ATP5F1C: variants seen among roughly 807,000 people sequenced by gnomAD.
ATP5F1C encodes ATP synthase F1 subunit gamma, also known as ATP synthase F(1) complex subunit gamma, mitochondrial.
A neutral mutation model predicts 37.4 loss-of-function variants in ATP5F1C; 22 were observed. That is an observed-to-expected ratio of 0.59 (90% confidence interval 0.42 to 0.84). ATP5F1C has a LOEUF of 0.84. Ranked by LOEUF, ATP5F1C falls within the 40% of genes least tolerant of loss-of-function variation. ATP5F1C has a pLI of 0.00. For missense variants in ATP5F1C, 286 were observed against 362.4 expected, an observed-to-expected ratio of 0.79 and a Z score of 1.71; for synonymous variants, 121 against 128.0, an observed-to-expected ratio of 0.95 and a Z score of 0.37.
At chr10:7,803,319 A>G (rs1188279428) in intron 8 of ATP5F1C, among the ~76,000 whole-genome samples, 1 of 152,156 alleles carries the variant, frequency 6.6e-6, no homozygotes, top group African/African-American at 2.4e-5. Flanking sequence ...CAGTATCTGC[A>G]GTGGATTGGT....
intron 1 of ATP5F1C, among the ~76,000 whole-genome samples, chr10:7,789,594 C>A (rs1430757060): frequency 2.0e-5 from 3 of 152,136 alleles, no homozygotes; most frequent in Non-Finnish European, 4.4e-5. Context: ...TTGGAAAGTG[C>A]CCAAATGTGA....
At chr10:7,789,853 A>C (rs1836133256) in intron 1 of ATP5F1C, among the ~76,000 whole-genome samples, 1 of 152,240 alleles carries the variant, frequency 6.6e-6, no homozygotes, top group African/African-American at 2.4e-5. Context: ...GATAATTTGA[A>C]GCTCTTTTAG....
In ATP5F1C at chr10:7,788,277, C is replaced by T. The variant is rs367969460; in HGVS notation, c.56+14C>T. ...GCAGCCGCAATGGTATGGCAGCTTGCGGGAAGATCGGCAGGACCGCAAGGG... is the reference window on the plus strand; with the variant it reads ...GCAGCCGCAATGGTATGGCAGCTTGTGGGAAGATCGGCAGGACCGCAAGGG... On this transcript the variant is annotated intron_variant, in intron 1 of 9. Transcript: ENST00000356708. 2.2e-4 allele frequency: 354 copies of T among 1,612,308 alleles called. No homozygotes were observed. The African/African-American group carries it at 4.3e-3, about 20-fold the overall frequency.
chr10:7,807,764 T>A lies in ATP5F1C; in HGVS notation c.*136T>A. On this transcript the variant is annotated 3_prime_UTR_variant, in exon 10 of 10. Transcript: ENST00000356708. ...TTGAATTACTGAAGACAGCAAGATA[T>A]TTGTAAATTATCTTAAAATAAACAA... 7.9e-7 allele frequency: 1 copy of A among 1,271,060 alleles called. No individual in the cohort carries two copies. The highest frequency in any genetic ancestry group is 1.1e-6 in the Non-Finnish European group (1 of 913,748). 78.7% of individuals were successfully genotyped at this position (1,271,060 alleles called of 1,614,324 possible). A position where few individuals can be genotyped will look rare whatever the true frequency, so the allele number is the denominator to read the frequency against.
rs775260431 is a variant in ATP5F1C at position 7,788,198 on chromosome 10, T to A, written c.-10T>A. 54 of 1,613,082 alleles carry A rather than the reference T, an allele frequency of 3.3e-5. No individual in the cohort carries two copies. Among genetic ancestry groups the A allele is most frequent in the Non-Finnish European group, 4.2e-5 (49 of 1,179,920 alleles). ...CTGCCTGACCGACCTTCAGCAGGGCTGTGGCTACCATGTTCTCTCGCGCGG... is the reference window on the plus strand; with the variant it reads ...CTGCCTGACCGACCTTCAGCAGGGCAGTGGCTACCATGTTCTCTCGCGCGG... On this transcript the variant is annotated 5_prime_UTR_variant, in exon 1 of 10. Transcript: ENST00000356708.
At chr10:7,806,364 A>G (rs1836480525) in intron 8 of ATP5F1C, among the ~76,000 whole-genome samples, 1 of 152,222 alleles carries the variant, frequency 6.6e-6, no homozygotes, top group Non-Finnish European at 1.5e-5. Flanking sequence ...CAGCCTAAAA[A>G]CTAAATATGG....
chr10:7,797,467 A>G (rs1315453536), intron 3 of ATP5F1C, among the ~76,000 whole-genome samples: 1 of 152,148 alleles, frequency 6.6e-6, no homozygotes, highest in South Asian at 2.1e-4. Context: ...GTTTGGACCT[A>G]TGTGGTTTGG....
intron 8 of ATP5F1C, among the ~76,000 whole-genome samples, chr10:7,803,609 T>C (rs1836417524): frequency 6.6e-6 from 1 of 152,230 alleles, no homozygotes; most frequent in African/African-American, 2.4e-5. Flanking sequence ...GAAAATTTCT[T>C]AGTTGTTGAA....
rs781169326 is a variant in ATP5F1C at position 7,796,105 on chromosome 10, A to G, written c.57-16A>G. On this transcript the variant is annotated splice_polypyrimidine_tract_variant and intron_variant, in intron 1 of 9. Transcript: ENST00000356708. The stretch of plus-strand genomic sequence containing the variant: ...TTTTCAAAAAACTGAAACATTTTTA[A>G]AACTTTTATCCTCAGGATTCAAGTT... The G allele has an allele frequency of 6.3e-7, 1 of 1,579,946 alleles. No homozygotes were observed. Among genetic ancestry groups the G allele is most frequent in the Non-Finnish European group, 8.6e-7 (1 of 1,167,862 alleles).
At position 7,802,327 on chromosome 10, in the gene ATP5F1C, A is replaced by T. The variant is rs777777103; in HGVS notation, c.695A>T (p.Tyr232Phe). Reference sequence around the variant, plus strand: ...GACGTGCTGCAAAATTACCAAGAATACAATCTGGCCAACATCATCTACTAC... The same window carrying T: ...GACGTGCTGCAAAATTACCAAGAATTCAATCTGGCCAACATCATCTACTAC... ...DADVLQNYQE[Y>F]NLANIIYYSL... Residue 232 changes from tyrosine to phenylalanine, a missense_variant, in exon 7 of 10, where the codon TAC (tyrosine) becomes TTC (phenylalanine). Transcript: ENST00000356708. 2.5e-6 allele frequency: 4 copies of T among 1,613,982 alleles called. No homozygotes were observed. The African/African-American group carries it at 5.3e-5, about 22-fold the overall frequency.
chr10:7,802,504 C>G (rs1400608680), intron 7 of ATP5F1C, 79 bp downstream of exon 7: 13 of 1,490,306 alleles, frequency 8.7e-6, no homozygotes, highest in Non-Finnish European at 1.1e-5. Flanking sequence ...AGTCCGTGGC[C>G]GAGAGTAGCA....
At position 7,804,104 on chromosome 10, in the gene ATP5F1C, A is replaced by C. The variant is rs767649913; in HGVS notation, c.890+1250A>C. The C allele has an allele frequency of 1.9e-5, 10 of 519,046 alleles. 1 individual carries two copies. The highest frequency in any genetic ancestry group is 1.4e-4 in the South Asian group (10 of 71,584). 32.2% of individuals were successfully genotyped at this position (519,046 alleles called of 1,614,324 possible). On this transcript the variant is annotated intron_variant, in intron 8 of 9. Transcript: ENST00000356708. ...AAGTCACAGCAGAACAGAGGTTGCT[A>C]AACTGTGGCCTGGAGCTAAGAATGG... is the stretch of plus-strand genomic sequence containing the variant.
chr10:7,799,770 A>G lies in ATP5F1C; in HGVS notation c.429-2A>G. The G allele has an allele frequency of 6.2e-7, 1 of 1,612,596 alleles. No individual in the cohort carries two copies. Among genetic ancestry groups the G allele is most frequent in the Non-Finnish European group, 8.5e-7 (1 of 1,179,646 alleles). On this transcript the variant is annotated splice_acceptor_variant, in intron 4 of 9. Transcript: ENST00000356708. LOFTEE classifies it high-confidence loss of function. ...CTATGTGAGCTCTTGCTTTTCTTAT[A>G]GGACTCATTCTGACCAGTTTCTGGT...
chr10:7,803,626 T>C (rs993002509), intron 8 of ATP5F1C, among the ~76,000 whole-genome samples: 1 of 152,200 alleles, frequency 6.6e-6, no homozygotes, highest in East Asian at 1.9e-4. Context: ...TGAAAAACTT[T>C]AATGTTTATG....
intron 8 of ATP5F1C, among the ~76,000 whole-genome samples, chr10:7,804,780 T>C (rs1274647987): frequency 6.6e-6 from 1 of 152,216 alleles, no homozygotes. Context: ...TGAAATGCCA[T>C]ATGTATTCAG....
rs371109747 is a variant in ATP5F1C at position 7,799,892 on chromosome 10, C to T, written c.549C>T (p.Gly183=). Residue 183 remains glycine, a synonymous_variant, in exon 5 of 10, where the codon GGC becomes GGT. Coordinates refer to ENST00000356708, the MANE Select transcript of ATP5F1C (RefSeq NM_001001973.3). ...ATTCTGGATATGAATTTGATGAAGG[C>T]TCCATCATCTTTAATAAATTCAGGC... ...LLNSGYEFDE[G]SIIFNKFRSV... is the part of the protein sequence containing the mutation. 5.0e-6 allele frequency: 8 copies of T among 1,613,772 alleles called. No homozygotes were observed. The highest frequency in any genetic ancestry group is 6.8e-6 in the Non-Finnish European group (8 of 1,179,956).
intron 1 of ATP5F1C, among the ~76,000 whole-genome samples, chr10:7,795,324 C>A (rs984154670): frequency 7.2e-5 from 11 of 152,104 alleles, no homozygotes; most frequent in Non-Finnish European, 1.6e-4. Context: ...TCCTGTGTAG[C>A]TTTGCCTGCA....
intron 3 of ATP5F1C, among the ~76,000 whole-genome samples, 173 bp downstream of exon 3, chr10:7,797,351 T>C (rs182446180): frequency 6.6e-6 from 1 of 152,320 alleles, no homozygotes; most frequent in East Asian, 1.9e-4. Context: ...GTGTAGGTAG[T>C]ACAGGTAGGG....
At chr10:7,802,471 C>T (rs772947597) in intron 7 of ATP5F1C, 46 bp downstream of exon 7, 2 of 1,570,492 alleles carry the variant, frequency 1.3e-6, no homozygotes, top group South Asian at 2.4e-5. Context: ...CTTGTGAGCA[C>T]ACAGTGAATC....
Sources: allele counts gnomAD v4.1 joint callset (sites outside exome capture counted in the v4.1 genomes callset), GRCh38; gene constraint gnomAD v4.1.1; transcripts MANE v1.5; gene names NCBI Gene and HGNC (gene_info 2026-07-23, HGNC 2026-07-21).